The following WDR25 variants were observed in gnomAD, a reference collection of about 807,000 sequenced individuals.
WDR25 encodes WD repeat domain 25, also known as WD repeat-containing protein 25.
In WDR25, 35 loss-of-function variants were observed where a neutral mutation model predicts 47.7. The ratio of observed to expected loss-of-function variants is 0.73; its 90% CI spans 0.56 to 0.97. The LOEUF is 0.97. Ranked by LOEUF, WDR25 falls within the 50% of genes least tolerant of loss-of-function variation. WDR25 has a pLI of 0.00. For missense variants in WDR25, 634 were observed against 704.7 expected (o/e 0.90, Z 1.14); for synonymous variants, 248 against 278.9 (o/e 0.89, Z 1.10).
chr14:100,478,429 T>G (rs372164384), intron 3 of WDR25, among the ~76,000 whole-genome samples: 1 of 152,212 alleles, frequency 6.6e-6, no homozygotes, highest in Non-Finnish European at 1.5e-5. Context: ...CTTCCAACAT[T>G]GTGCCAGATA....
At chr14:100,418,107 A>G (rs147153039) in intron 2 of WDR25, among the ~76,000 whole-genome samples, 5,853 of 151,252 alleles carry the variant, frequency 0.039, 309 homozygotes, top group African/African-American at 0.12. Context: ...ACGCCTGGCT[A>G]ATTTTTGTAC....
chr14:100,466,558 C>T (rs1899634689), intron 2 of WDR25, among the ~76,000 whole-genome samples: 1 of 152,210 alleles, frequency 6.6e-6, no homozygotes, highest in South Asian at 2.1e-4. Context: ...ATGTGCTGTG[C>T]AGCCATTACC....
intron 2 of WDR25, chr14:100,455,323 T>C (rs1899165411): frequency 6.6e-6 from 1 of 152,146 alleles, no homozygotes; most frequent in Admixed American, 6.6e-5. Flanking sequence ...CCAGTGGACT[T>C]GGAGATAGAT....
intron 2 of WDR25, among the ~76,000 whole-genome samples, chr14:100,419,391 A>G (rs140926052): frequency 4.2e-4 from 64 of 152,196 alleles, no homozygotes; most frequent in African/African-American, 1.4e-3. Flanking sequence ...GAATTGTTGA[A>G]TGCTCTGTTG....
At chr14:100,519,758 GTATA>G (rs894428981) in intron 4 of WDR25, among the ~76,000 whole-genome samples, 4 of 130,946 alleles carry the variant, frequency 3.1e-5, no homozygotes, top group African/African-American at 1.3e-4. Flanking sequence ...TATATAGTGT[GTATA>G]TATAGTATAT....
intron 2 of WDR25, among the ~76,000 whole-genome samples, chr14:100,461,183 T>C (rs1374325235): frequency 7.2e-5 from 11 of 152,204 alleles, no homozygotes; most frequent in Non-Finnish European, 1.5e-4. Context: ...ACCACTTCAC[T>C]CCAGCCTGGG....
At chr14:100,472,069 C>T (rs949545651) in intron 3 of WDR25, among the ~76,000 whole-genome samples, 3 of 152,204 alleles carry the variant, frequency 2.0e-5, no homozygotes, top group Non-Finnish European at 4.4e-5. Context: ...TCTAAGCGGT[C>T]CTGTCATGTT....
intron 3 of WDR25, among the ~76,000 whole-genome samples, chr14:100,476,275 T>C (rs1263617378): frequency 6.6e-6 from 1 of 152,232 alleles, no homozygotes; most frequent in Non-Finnish European, 1.5e-5. Context: ...CCCGGATTGC[T>C]AAGATGGCCC....
intron 2 of WDR25, among the ~76,000 whole-genome samples, chr14:100,436,010 T>C (rs1435941083): frequency 6.6e-6 from 1 of 152,170 alleles, no homozygotes; most frequent in Non-Finnish European, 1.5e-5. Flanking sequence ...TGGGCCTTAA[T>C]TGTCTTCTCT....
rs1900457877 is a variant in WDR25 at position 100,488,500 on chromosome 14, G to A, written c.1101+4376G>A. Among the ~76,000 whole-genome samples the A allele has an allele frequency of 1.3e-5, 2 of 152,106 alleles. No homozygotes were observed. Among genetic ancestry groups the A allele is most frequent in the Admixed American group, 1.3e-4 (2 of 15,278 alleles). Reference sequence around the variant, plus strand: ...TTTCGGCCACATTCCTTAAGCAAAAGCCTCTCTGATTCACAATTTTTAAAT... The same window carrying A: ...TTTCGGCCACATTCCTTAAGCAAAAACCTCTCTGATTCACAATTTTTAAAT... On this transcript the variant is annotated intron_variant, in intron 4 of 6. Transcript: ENST00000402312. This position sits in a 1 kb window ranked among gnomAD's most constrained non-coding sequence, Gnocchi z 4.2.
chr14:100,501,090 C>G (rs1300550405), intron 4 of WDR25, among the ~76,000 whole-genome samples: 1 of 152,108 alleles, frequency 6.6e-6, no homozygotes, highest in Non-Finnish European at 1.5e-5. Context: ...CAGAGGGGTC[C>G]GGCTTGAATG....
chr14:100,522,043 T>C (rs1322423268), intron 4 of WDR25, among the ~76,000 whole-genome samples: 1 of 152,202 alleles, frequency 6.6e-6, no homozygotes, highest in African/African-American at 2.4e-5. Context: ...ATTTCATTTT[T>C]TTCTGAGCTC....
At chr14:100,376,659 T>C in intron 1 of WDR25, 164 bp downstream of exon 1, 1 of 1,231,732 alleles carries the variant, frequency 8.1e-7, no homozygotes, top group Non-Finnish European at 1.0e-6. Context: ...CTTCTTACTA[T>C]TGACAGCTCA....
intron 2 of WDR25, among the ~76,000 whole-genome samples, chr14:100,417,080 G>A (rs955000440): frequency 1.3e-5 from 2 of 152,174 alleles, no homozygotes; most frequent in Non-Finnish European, 2.9e-5. Context: ...CCCTCCAGGG[G>A]CAATCCAACT....
chr14:100,388,509 T>C (rs1477819036), intron 2 of WDR25, among the ~76,000 whole-genome samples: 4 of 152,064 alleles, frequency 2.6e-5, no homozygotes, highest in East Asian at 1.9e-4. Context: ...GGATTGGGAG[T>C]GTGGGGCTTT....
chr14:100,459,596 C>T (rs1899309757), intron 2 of WDR25, among the ~76,000 whole-genome samples: 1 of 151,992 alleles, frequency 6.6e-6, no homozygotes. Context: ...ATTAGGGGTG[C>T]ATCCTATCCA....
intron 2 of WDR25, among the ~76,000 whole-genome samples, chr14:100,467,253 G>A (rs1270998392): frequency 7.9e-5 from 12 of 152,170 alleles, no homozygotes; most frequent in Admixed American, 7.9e-4. Flanking sequence ...CCTGGACTTG[G>A]GCAGTGTCCA....
chr14:100,383,488 C>G (rs1192078901), intron 2 of WDR25, among the ~76,000 whole-genome samples: 2 of 152,238 alleles, frequency 1.3e-5, no homozygotes, highest in African/African-American at 2.4e-5. Context: ...CTTGTCCTCC[C>G]TGTGCTCACC....
In WDR25 at chr14:100,434,078, G is replaced by GA. The variant is rs200540516; in HGVS notation, c.823-33934dup. On this transcript the variant is annotated intron_variant, in intron 2 of 6. Coordinates refer to ENST00000402312, the MANE Select transcript of WDR25 (RefSeq NM_001161476.3). ...CCGTTTCTACAAAAAAAAAAGAAAA[G>GA]AAAAAAAAACCAGAGAGAGAAACCA... 9.5e-3 allele frequency among the ~76,000 whole-genome samples: 1,423 copies of GA among 150,524 alleles called. 30 individuals are homozygous for GA. The highest frequency in any genetic ancestry group is 0.032 in the African/African-American group (1,314 of 40,904).
Sources: gnomAD v4.1 joint callset for allele counts (sites outside exome capture counted in the v4.1 genomes callset) on GRCh38, gnomAD v4.1.1 for gene constraint, Gnocchi (gnomAD v3.1) non-coding constraint, MANE v1.5 for transcripts, NCBI Gene and HGNC (gene_info 2026-07-23, HGNC 2026-07-21) for gene names.